The following RARRES1 variants were observed in gnomAD, a reference collection of about 807,000 sequenced individuals.
RARRES1 encodes retinoic acid receptor responder protein 1.
Under a neutral mutation model 30.6 loss-of-function variants are expected in RARRES1, and 34 were observed. That is an observed-to-expected ratio of 1.11 (90% CI 0.84 to 1.48). RARRES1 has a LOEUF of 1.48. Ranked by LOEUF, RARRES1 falls within the 40% of genes most tolerant of loss-of-function variation. RARRES1 has a pLI of 0.00. For missense variants in RARRES1, 373 were observed against 386.5 expected, an observed-to-expected ratio of 0.97 and a Z score of 0.29; for synonymous variants, 153 against 155.5, an observed-to-expected ratio of 0.98 and a Z score of 0.12.
At position 158,708,656 on chromosome 3, in the gene RARRES1, A is replaced by G. The variant is rs554040217; in HGVS notation, c.535+2082T>C. Among the ~76,000 whole-genome samples the G allele has an allele frequency of 2.0e-5, 3 of 152,240 alleles. No individual in the cohort carries two copies. In the South Asian group the frequency reaches 6.2e-4, roughly 32 times the overall value. On this transcript the variant is annotated intron_variant, in intron 3 of 5. Coordinates refer to ENST00000237696, the MANE Select transcript of RARRES1 (RefSeq NM_206963.2). ...GCCTTGGATCCATTAAATACTGAATAGGAATCTGCTGAGATTTTTTTTTTT... is the reference window on the plus strand; with the variant it reads ...GCCTTGGATCCATTAAATACTGAATGGGAATCTGCTGAGATTTTTTTTTTT...
intron 1 of RARRES1, among the ~76,000 whole-genome samples, chr3:158,731,579 C>T (rs751191254): frequency 6.6e-6 from 1 of 152,258 alleles, no homozygotes; most frequent in Non-Finnish European, 1.5e-5. Context: ...CCAGCATTAG[C>T]AGGTTTCTGC....
At chr3:158,699,729 A>G (rs908073224) in intron 4 of RARRES1, among the ~76,000 whole-genome samples, 4 of 152,154 alleles carry the variant, frequency 2.6e-5, no homozygotes, top group African/African-American at 9.7e-5. Flanking sequence ...CGTCTCTCAC[A>G]GTGTACCCAC....
At chr3:158,707,723 TAGC>T (rs1726973186) in intron 3 of RARRES1, among the ~76,000 whole-genome samples, 1 of 152,152 alleles carries the variant, frequency 6.6e-6, no homozygotes, top group Non-Finnish European at 1.5e-5. Context: ...TAGAAATAAA[TAGC>T]AGCATTGAAG....
chr3:158,725,061 C>T (rs1727640566), intron 1 of RARRES1, among the ~76,000 whole-genome samples: 1 of 152,100 alleles, frequency 6.6e-6, no homozygotes, highest in Non-Finnish European at 1.5e-5. Flanking sequence ...TGGGCTCAAG[C>T]AGTCCTCCAA....
At chr3:158,698,809 A>G (rs868486220) in intron 4 of RARRES1, among the ~76,000 whole-genome samples, 4 of 152,174 alleles carry the variant, frequency 2.6e-5, no homozygotes, top group Non-Finnish European at 4.4e-5. Flanking sequence ...TTTTTCTAAG[A>G]GAAAGAGAAT....
intron 1 of RARRES1, among the ~76,000 whole-genome samples, chr3:158,726,352 T>G (rs570573758): frequency 4.6e-5 from 7 of 152,366 alleles, no homozygotes; most frequent in Non-Finnish European, 1.0e-4. Context: ...GTTTTCATAG[T>G]AGAGTAAGTG....
Position 158,697,978 on chromosome 3 carries a change from G to A in RARRES1, c.673-8C>T. ...TGTATCATCATTAGTTTTCTAGAGG[G>A]AGAAAAAAGAGTTAGTGTAATAAAT... On this transcript the variant is annotated splice_region_variant and splice_polypyrimidine_tract_variant and intron_variant, in intron 4 of 5. Coordinates refer to ENST00000237696, the MANE Select transcript of RARRES1 (RefSeq NM_206963.2). The A allele has an allele frequency of 1.3e-6, 2 of 1,481,980 alleles. No homozygotes were observed. Among genetic ancestry groups the A allele is most frequent in the Non-Finnish European group, 1.9e-6 (2 of 1,069,872 alleles). The allele number at this position is 1,481,980 out of a possible 1,614,324, so 91.8% of individuals were successfully genotyped here.
At chr3:158,710,994 A>G (rs1415006568) in intron 2 of RARRES1, 61 bp from the exon 3 acceptor site, 3 of 1,467,650 alleles carry the variant, frequency 2.0e-6, no homozygotes, top group East Asian at 2.3e-5. Flanking sequence ...ACAAGCACAC[A>G]CAAGATTGAG....
chr3:158,725,972 G>A (rs1185287997), intron 1 of RARRES1, among the ~76,000 whole-genome samples: 2 of 152,224 alleles, frequency 1.3e-5, no homozygotes, highest in African/African-American at 4.8e-5. Context: ...AGGGCAGTGT[G>A]AGGGCACTGA....
intron 1 of RARRES1, among the ~76,000 whole-genome samples, chr3:158,728,449 A>G (rs910285996): frequency 4.6e-5 from 7 of 151,876 alleles, no homozygotes; most frequent in African/African-American, 1.5e-4. Flanking sequence ...ACTCAGTCCA[A>G]CAATGCACTG....
At position 158,724,395 on chromosome 3, in the gene RARRES1, C is replaced by T. The variant is rs114662566; in HGVS notation, c.276+7745G>A. 7.6e-3 allele frequency among the ~76,000 whole-genome samples: 1,150 copies of T among 152,248 alleles called. 10 individuals carry two copies. Among genetic ancestry groups the T allele is most frequent in the Middle Eastern group, 0.024 (7 of 294 alleles). ...ATTAAGGATCTTGAGATGGGATTATCCTGGATTATTCCTGTGGGCACAATG... is the reference window on the plus strand; with the variant it reads ...ATTAAGGATCTTGAGATGGGATTATTCTGGATTATTCCTGTGGGCACAATG... On this transcript the variant is annotated intron_variant, in intron 1 of 5. Coordinates refer to ENST00000237696, the MANE Select transcript of RARRES1 (RefSeq NM_206963.2).
At chr3:158,729,427 C>T (rs1727798809) in intron 1 of RARRES1, among the ~76,000 whole-genome samples, 1 of 151,826 alleles carries the variant, frequency 6.6e-6, no homozygotes, top group Non-Finnish European at 1.5e-5. Flanking sequence ...CATGATAATG[C>T]AAGTTATTTT....
At chr3:158,730,365 CTCCTTCCTTCCT>C (rs61461024) in intron 1 of RARRES1, among the ~76,000 whole-genome samples, 20,438 of 119,962 alleles carry the variant, frequency 0.17, 1,954 homozygotes, top group Middle Eastern at 0.21. Context: ...GAATAGGTTG[CTCCTTCCTTCCT>C]TCCTTCCTTC....
Position 158,697,657 on chromosome 3 carries a change from GA to G in RARRES1, c.*20del, listed in dbSNP as rs781537715. On this transcript the variant is annotated 3_prime_UTR_variant, in exon 6 of 6. Transcript: ENST00000237696. ...AGTATAGTCACTTGTTTAGAAGTCG[GA>G]AAAAGATCATTTTTTCTTTTTAGAA... The G allele has an allele frequency of 1.1e-5, 18 of 1,592,706 alleles. No homozygotes were observed. In the South Asian group the frequency reaches 2.0e-4, roughly 18 times the overall value.
At chr3:158,719,584 G>A (rs1390590667) in intron 1 of RARRES1, among the ~76,000 whole-genome samples, 1 of 151,962 alleles carries the variant, frequency 6.6e-6, no homozygotes, top group African/African-American at 2.4e-5. Context: ...TACTTTTTGT[G>A]TGTTTATTTT....
intron 3 of RARRES1, among the ~76,000 whole-genome samples, chr3:158,705,401 T>C (rs542409457): frequency 6.6e-6 from 1 of 152,232 alleles, no homozygotes; most frequent in South Asian, 2.1e-4. Context: ...TACTGAATAC[T>C]CAAAGATGAC....
intron 1 of RARRES1, among the ~76,000 whole-genome samples, chr3:158,720,235 TGTG>T (rs1298274788): frequency 8.1e-6 from 1 of 123,010 alleles, no homozygotes; most frequent in African/African-American, 3.6e-5. Flanking sequence ...TGGCTGCTGG[TGTG>T]TGTGTGTGTG....
chr3:158,707,798 T>A (rs1463620552), intron 3 of RARRES1, among the ~76,000 whole-genome samples: 1 of 152,196 alleles, frequency 6.6e-6, no homozygotes, highest in East Asian at 1.9e-4. Context: ...CAAAAGGTAT[T>A]TGTTGCCCTT....
intron 4 of RARRES1, 194 bp downstream of exon 4, chr3:158,704,597 A>G (rs1726850986): frequency 2.5e-6 from 2 of 786,820 alleles, no homozygotes; most frequent in Admixed American, 7.2e-5. Flanking sequence ...GGGCAGCAAC[A>G]TTGTGTCTTT....
Sources: gnomAD v4.1 joint callset for allele counts (sites outside exome capture counted in the v4.1 genomes callset) on GRCh38, gnomAD v4.1.1 for gene constraint, MANE v1.5 for transcripts, NCBI Gene and HGNC (gene_info 2026-07-23, HGNC 2026-07-21) for gene names.